NCOA1: variants seen among roughly 807,000 people sequenced by gnomAD.
NCOA1 encodes nuclear receptor coactivator 1.
NCOA1 carries 35 observed loss-of-function variants against 150.9 expected under a neutral mutation model. The observed-to-expected ratio is 0.23, with a 90% CI of 0.18 to 0.31. The LOEUF (loss-of-function observed/expected upper bound fraction) is 0.31, where lower values mean the gene tolerates loss of function less well. Among genes scored for constraint, NCOA1 ranks in the 10% least tolerant of loss-of-function variants. NCOA1 has a pLI of 1.00. For missense variants in NCOA1, 1,491 were observed against 1,749.3 expected (o/e 0.85, Z 2.63); for synonymous variants, 590 against 630.0 (o/e 0.94, Z 0.95).
At chr2:24,498,017 A>G (rs564504067) in intron 1 of NCOA1, among the ~76,000 whole-genome samples, 4 of 152,342 alleles carry the variant, frequency 2.6e-5, no homozygotes, top group African/African-American at 7.2e-5. Flanking sequence ...TAGGTATTCT[A>G]TTGTGAATGT....
chr2:24,671,316 A>T (rs1572570259), intron 6 of NCOA1, among the ~76,000 whole-genome samples: 1 of 151,968 alleles, frequency 6.6e-6, no homozygotes, highest in Non-Finnish European at 1.5e-5. Context: ...TGGTTCCATG[A>T]CCTCCCACTG....
intron 3 of NCOA1, among the ~76,000 whole-genome samples, chr2:24,597,152 A>T (rs1289906938): frequency 2.0e-5 from 3 of 152,168 alleles, no homozygotes; most frequent in Non-Finnish European, 2.9e-5. Context: ...TTGATATAGG[A>T]ACCTCAATTA....
chr2:24,642,938 C>T (rs1294927156), intron 3 of NCOA1, among the ~76,000 whole-genome samples: 2 of 152,094 alleles, frequency 1.3e-5, no homozygotes, highest in Non-Finnish European at 2.9e-5. Flanking sequence ...AAATAGGGAA[C>T]AGATTGCAGT....
At chr2:24,710,060 A>T (rs182198193) in intron 13 of NCOA1, among the ~76,000 whole-genome samples, 191 of 151,320 alleles carry the variant, frequency 1.3e-3, no homozygotes, top group African/African-American at 4.3e-3. Context: ...GGAACTCCCT[A>T]TTTATTCTTT....
intron 1 of NCOA1, among the ~76,000 whole-genome samples, chr2:24,492,672 T>C (rs767041683): frequency 6.6e-6 from 1 of 152,090 alleles, no homozygotes; most frequent in Non-Finnish European, 1.5e-5. Flanking sequence ...GTGCAGAAGG[T>C]GACATTTTTT....
chr2:24,532,986 A>T lies in NCOA1; in HGVS notation c.-395-31309A>T, dbSNP rs184369159. Among the ~76,000 whole-genome samples, 55 of 152,276 alleles carry T rather than the reference A, an allele frequency of 3.6e-4. No homozygotes were observed. The East Asian group carries it at 0.01, about 28-fold the overall frequency. On this transcript the variant is annotated intron_variant, in intron 1 of 22. Coordinates refer to ENST00000348332, the MANE Select transcript of NCOA1 (RefSeq NM_003743.5). ...CAAAGTAGTTTTTTCCAATTCTGTG[A>T]AGAAAGTCATTGGTAGCTTGATGGG...
intron 3 of NCOA1, among the ~76,000 whole-genome samples, chr2:24,608,203 A>G (rs1312212599): frequency 6.7e-6 from 1 of 149,954 alleles, no homozygotes; most frequent in African/African-American, 2.4e-5. Context: ...AAGAGTTGTA[A>G]GAATAGTATA....
intron 1 of NCOA1, among the ~76,000 whole-genome samples, chr2:24,561,613 C>A (rs1196613493): frequency 1.3e-5 from 2 of 152,052 alleles, no homozygotes; most frequent in African/African-American, 4.8e-5. Flanking sequence ...GTTTTAGAAG[C>A]AGTAGTAGTA....
intron 3 of NCOA1, among the ~76,000 whole-genome samples, chr2:24,603,859 G>A (rs1572477415): frequency 6.6e-6 from 1 of 152,222 alleles, no homozygotes; most frequent in East Asian, 1.9e-4. Context: ...CCAGTATGAT[G>A]AAGCCTTTCT....
Position 24,697,774 on chromosome 2 carries a change from T to C in NCOA1, c.925T>C (p.Tyr309His). Residue 309 changes from tyrosine (Y) to histidine (H), a missense_variant, in exon 11 of 23, where the codon TAT (tyrosine) becomes CAT (histidine). By Grantham distance (83) the Tyr-to-His change is moderately conservative. Transcript: ENST00000348332. The part of the protein sequence containing the change: ...FFQPQGREPS[Y>H]ARQLFQEVMT... ...CCAACCTCAGGGCAGAGAACCATCT[T>C]ATGCCAGACAGCTGTTCCAAGAAGG... 6.2e-7 allele frequency: 1 copy of C among 1,613,758 alleles called. No homozygotes were observed.
At chr2:24,629,035 G>A (rs1669556719) in intron 3 of NCOA1, among the ~76,000 whole-genome samples, 1 of 152,096 alleles carries the variant, frequency 6.6e-6, no homozygotes, top group South Asian at 2.1e-4. Flanking sequence ...AAATTTAAAG[G>A]GTGGTGATAT....
intron 4 of NCOA1, among the ~76,000 whole-genome samples, chr2:24,648,849 G>T (rs1044542144): frequency 3.9e-5 from 6 of 152,054 alleles, no homozygotes; most frequent in Non-Finnish European, 7.4e-5. Context: ...TAAAATAGTT[G>T]ATCAAAATTG....
At chr2:24,587,991 A>C (rs941717342) in intron 3 of NCOA1, among the ~76,000 whole-genome samples, 1 of 152,166 alleles carries the variant, frequency 6.6e-6, no homozygotes, top group African/African-American at 2.4e-5. Flanking sequence ...CCTTTACAAA[A>C]TACTGTCTTA....
At position 24,739,830 on chromosome 2, in the gene NCOA1, G is replaced by T. The variant is rs112674341; in HGVS notation, c.3303+297G>T. On this transcript the variant is annotated intron_variant, in intron 18 of 22. Transcript: ENST00000348332. ...TAGCGAATAGCACCAGTAACAGGAAGCCTCTGATACGAAACTGTGTGAACG... is the reference window on the plus strand; with the variant it reads ...TAGCGAATAGCACCAGTAACAGGAATCCTCTGATACGAAACTGTGTGAACG... Among the ~76,000 whole-genome samples, 731 of 152,222 alleles carry T rather than the reference G, an allele frequency of 4.8e-3. 8 individuals are homozygous for T. The highest frequency in any genetic ancestry group is 0.016 in the African/African-American group (663 of 41,556).
In NCOA1 at chr2:24,587,880, A is replaced by G. The variant is rs574384881; in HGVS notation, c.-175+3320A>G. On this transcript the variant is annotated intron_variant, in intron 3 of 22. Coordinates refer to ENST00000348332, the MANE Select transcript of NCOA1 (RefSeq NM_003743.5). ...CAAAAATCTGATTCAGTAAGTCTAG[A>G]GTAGGGCACATAAACACCTTAAATT... is the stretch of plus-strand genomic sequence containing the variant. Among the ~76,000 whole-genome samples the G allele has an allele frequency of 4.6e-5, 7 of 152,366 alleles. No individual in the cohort carries two copies. The South Asian group carries it at 1.4e-3, about 32-fold the overall frequency.
intron 17 of NCOA1, among the ~76,000 whole-genome samples, chr2:24,736,983 A>C (rs1031813309): frequency 6.6e-5 from 10 of 152,108 alleles, no homozygotes; most frequent in African/African-American, 1.9e-4. Flanking sequence ...AGCCAGCCTG[A>C]ACTGTGTGTG....
At position 24,499,459 on chromosome 2, in the gene NCOA1, C is replaced by T. The variant is rs77147472; in HGVS notation, c.-396+7857C>T. ...TTTGTTTATCAGATCTAATTTCATG[C>T]CCTCTAAATGTGCTTTATATTGTTC... On this transcript the variant is annotated intron_variant, in intron 1 of 22. Coordinates refer to ENST00000348332, the MANE Select transcript of NCOA1 (RefSeq NM_003743.5). 8.6e-3 allele frequency among the ~76,000 whole-genome samples: 1,306 copies of T among 152,260 alleles called. 14 individuals carry two copies. Among genetic ancestry groups the T allele is most frequent in the African/African-American group, 0.03 (1,248 of 41,552 alleles).
intron 3 of NCOA1, among the ~76,000 whole-genome samples, chr2:24,642,999 A>C (rs967789119): frequency 6.6e-6 from 1 of 152,220 alleles, no homozygotes; most frequent in Admixed American, 6.5e-5. Context: ...AACAGCATGA[A>C]ACAATTCAGC....
intron 4 of NCOA1, 51 bp from the exon 5 acceptor site, chr2:24,658,610 G>A (rs1252170621): frequency 7.3e-7 from 1 of 1,373,202 alleles, no homozygotes; most frequent in East Asian, 2.3e-5. Context: ...ACCTTTATTT[G>A]GTTGGAAAGG....
Sources: allele counts gnomAD v4.1 joint callset (sites outside exome capture counted in the v4.1 genomes callset), GRCh38; gene constraint gnomAD v4.1.1; transcripts MANE v1.5; gene names NCBI Gene and HGNC (gene_info 2026-07-23, HGNC 2026-07-21).